The following SEC24A variants were observed in gnomAD, a reference collection of about 807,000 sequenced individuals.
The protein encoded by SEC24A is SEC24 homolog A, COPII component.
In SEC24A, 93 loss-of-function variants were observed where a neutral mutation model predicts 129.4. The observed-to-expected ratio is 0.72, with a 90% CI of 0.61 to 0.85. The LOEUF is 0.85. Among genes scored for constraint, SEC24A ranks in the 40% least tolerant of loss-of-function variants. The pLI is 0.00. For synonymous variants in SEC24A, 460 were observed against 467.3 expected (o/e 0.98, Z 0.20); for missense variants, 1,264 against 1,307.4 (o/e 0.97, Z 0.51).
chr5:134,720,058 T>A (rs1752588072), intron 20 of SEC24A, among the ~76,000 whole-genome samples: 1 of 152,224 alleles, frequency 6.6e-6, no homozygotes, highest in African/African-American at 2.4e-5. Context: ...GAAATTTTTT[T>A]ATATATCTCT....
intron 3 of SEC24A, 45 bp from the exon 4 acceptor site, chr5:134,671,764 A>G (rs752571706): frequency 2.6e-6 from 3 of 1,156,108 alleles, no homozygotes; most frequent in Non-Finnish European, 3.8e-6. Flanking sequence ...CAGAGATTGT[A>G]ATAATCATTC....
At chr5:134,677,333 GA>G (rs1209952561) in intron 7 of SEC24A, among the ~76,000 whole-genome samples, 2 of 151,876 alleles carry the variant, frequency 1.3e-5, no homozygotes, top group African/African-American at 2.4e-5. Context: ...TATTTCAGAA[GA>G]AAAAAGAAAC....
rs147608296 is a variant in SEC24A at position 134,719,556 on chromosome 5, C to T, written c.2970+1383C>T. Among the ~76,000 whole-genome samples the T allele has an allele frequency of 3.3e-3, 505 of 151,988 alleles. 3 individuals carry two copies. The highest frequency in any genetic ancestry group is 0.012 in the African/African-American group (482 of 41,452). On this transcript the variant is annotated intron_variant, in intron 20 of 22. Coordinates refer to ENST00000398844, the MANE Select transcript of SEC24A (RefSeq NM_021982.3). ...AAAATACCAAATCCAGGCGTGGTCA[C>T]GTGCACCTGTAATACCAGCTACTTG... is the stretch of plus-strand genomic sequence containing the variant.
At chr5:134,692,784 G>T in intron 12 of SEC24A, 127 bp downstream of exon 12, 1 of 744,408 alleles carries the variant, frequency 1.3e-6, no homozygotes, top group South Asian at 1.6e-5. Flanking sequence ...TTTTATATTT[G>T]CTCTTATAAT....
intron 8 of SEC24A, among the ~76,000 whole-genome samples, chr5:134,680,955 C>T (rs949499014): frequency 2.7e-4 from 40 of 150,484 alleles, no homozygotes; most frequent in Non-Finnish European, 5.0e-4. Flanking sequence ...AATAATTAGC[C>T]GGGTGTGGTG....
chr5:134,663,219 G>A (rs970122640), intron 2 of SEC24A, among the ~76,000 whole-genome samples: 1 of 152,008 alleles, frequency 6.6e-6, no homozygotes, highest in African/African-American at 2.4e-5. Context: ...GCGTGCCACA[G>A]TGCCTGGCTA....
chr5:134,672,834 C>T (rs572900028), intron 4 of SEC24A, among the ~76,000 whole-genome samples: 27 of 151,770 alleles, frequency 1.8e-4, no homozygotes, highest in Non-Finnish European at 2.9e-5. Context: ...CTCCTGGGCT[C>T]GTGCGATCTT....
intron 1 of SEC24A, among the ~76,000 whole-genome samples, chr5:134,660,109 C>T (rs1750397147): frequency 6.6e-6 from 1 of 151,692 alleles, no homozygotes; most frequent in Non-Finnish European, 1.5e-5. Context: ...CGCCTGTAAT[C>T]CTAGCGCTTA....
chr5:134,671,781 A>AAAT (rs1211668706), intron 3 of SEC24A, 28 bp from the exon 4 acceptor site: 1 of 1,357,652 alleles, frequency 7.4e-7, no homozygotes, highest in African/African-American at 1.5e-5. Context: ...ATTCTAATTA[A>AAAT]AATCTTGTTG....
chr5:134,706,364 T>G (rs1028132476), intron 17 of SEC24A, among the ~76,000 whole-genome samples: 6 of 152,362 alleles, frequency 3.9e-5, no homozygotes, highest in Non-Finnish European at 7.3e-5. Flanking sequence ...TACTGATATC[T>G]TCACGTATTT....
chr5:134,704,013 AT>A, intron 16 of SEC24A, 81 bp downstream of exon 16: 1 of 831,090 alleles, frequency 1.2e-6, no homozygotes, highest in Non-Finnish European at 1.9e-6. Flanking sequence ...TATAAAATAC[AT>A]GTAGCATATC....
chr5:134,681,314 C>T (rs866087723), intron 8 of SEC24A, among the ~76,000 whole-genome samples: 13 of 151,896 alleles, frequency 8.6e-5, no homozygotes, highest in East Asian at 7.7e-4. Context: ...GCAGGAGAAT[C>T]GCTTGAACCC....
intron 15 of SEC24A, 86 bp downstream of exon 15, chr5:134,698,143 G>T: frequency 8.8e-7 from 1 of 1,140,654 alleles, no homozygotes; most frequent in South Asian, 1.5e-5. Flanking sequence ...TTATAAGATT[G>T]CCCTTCTGAG....
At chr5:134,667,074 GC>G in intron 3 of SEC24A, 78 bp downstream of exon 3, 1 of 1,235,704 alleles carries the variant, frequency 8.1e-7, no homozygotes. Context: ...TGAATTCTGT[GC>G]ATTAAAATCA....
chr5:134,685,666 C>G (rs1751426909), intron 9 of SEC24A, among the ~76,000 whole-genome samples: 1 of 151,962 alleles, frequency 6.6e-6, no homozygotes, highest in Admixed American at 6.6e-5. Flanking sequence ...GAATTGAGAA[C>G]AAATCTTTGG....
At chr5:134,723,071 T>A (rs1752667970) in intron 21 of SEC24A, among the ~76,000 whole-genome samples, 1 of 152,128 alleles carries the variant, frequency 6.6e-6, no homozygotes, top group Non-Finnish European at 1.5e-5. Context: ...AGAGAATCAC[T>A]TGAGCCTCAG....
At chr5:134,708,290 G>A (rs1225151421) in intron 17 of SEC24A, among the ~76,000 whole-genome samples, 2 of 151,924 alleles carry the variant, frequency 1.3e-5, no homozygotes, top group South Asian at 2.1e-4. Context: ...GGCAACATAG[G>A]GAGACTTGGT....
chr5:134,661,471 C>T lies in SEC24A; in HGVS notation c.450C>T (p.Asn150=). Residue 150 remains asparagine (N), a synonymous_variant, in exon 2 of 23, where the codon AAC becomes AAT. Transcript: ENST00000398844. ...YNYPSTASQT[N]HCPRASSQPT... ...ATCCATCCACAGCCTCACAAACAAA[C>T]CATTGTCCTCGTGCATCATCCCAAC... 6.2e-7 allele frequency: 1 copy of T among 1,614,176 alleles called. No homozygotes were observed. The highest frequency in any genetic ancestry group is 8.5e-7 in the Non-Finnish European group (1 of 1,180,022).
At chr5:134,655,466 T>C (rs1407531153) in intron 1 of SEC24A, among the ~76,000 whole-genome samples, 9 of 152,008 alleles carry the variant, frequency 5.9e-5, no homozygotes, top group Non-Finnish European at 2.9e-5. Flanking sequence ...CTGGCCAACA[T>C]GGTGAAACCT....
Sources: gnomAD v4.1 joint callset for allele counts (sites outside exome capture counted in the v4.1 genomes callset) on GRCh38, gnomAD v4.1.1 for gene constraint, MANE v1.5 for transcripts, NCBI Gene and HGNC (gene_info 2026-07-23, HGNC 2026-07-21) for gene names.